The following TBCK variants were observed in gnomAD, a reference collection of about 807,000 sequenced individuals.
The protein encoded by TBCK is TBC1 domain containing kinase.
Under a neutral mutation model 113.4 loss-of-function variants are expected in TBCK, and 99 were observed. The observed-to-expected ratio is 0.87, with a 90% CI of 0.74 to 1.03. The LOEUF (loss-of-function observed/expected upper bound fraction) is 1.03. Ranked by LOEUF, TBCK falls within the 50% of genes least tolerant of loss-of-function variation. The pLI is 0.00. For synonymous variants in TBCK, 369 were observed against 370.8 expected, an observed-to-expected ratio of 1.00 and a Z score of 0.05; for missense variants, 1,045 against 1,061.3, an observed-to-expected ratio of 0.98 and a Z score of 0.21.
intron 5 of TBCK, among the ~76,000 whole-genome samples, chr4:106,255,363 G>A (rs1264223600): frequency 3.3e-5 from 5 of 152,192 alleles, no homozygotes; most frequent in African/African-American, 4.8e-5. Flanking sequence ...GATGCCACGC[G>A]GCCAAGGGAG....
intron 25 of TBCK, among the ~76,000 whole-genome samples, chr4:106,074,050 C>T (rs1737860820): frequency 6.6e-6 from 1 of 152,128 alleles, no homozygotes; most frequent in African/African-American, 2.4e-5. Context: ...AAGGGAAATC[C>T]CCCAACCCCC....
At chr4:106,048,901 A>C (rs1734499246) in intron 25 of TBCK, among the ~76,000 whole-genome samples, 4 of 152,156 alleles carry the variant, frequency 2.6e-5, no homozygotes, top group Admixed American at 6.6e-5. Context: ...CTTTGCAACA[A>C]TCAGGTTGCT....
intron 23 of TBCK, 101 bp from the exon 24 acceptor site, chr4:106,116,479 A>T (rs902160562): frequency 4.2e-6 from 4 of 943,348 alleles, no homozygotes; most frequent in Non-Finnish European, 6.2e-6. Flanking sequence ...ACAGCATATA[A>T]GAGAAGAGGA....
chr4:106,084,619 A>G (rs1431664933), intron 25 of TBCK, among the ~76,000 whole-genome samples: 4 of 152,132 alleles, frequency 2.6e-5, no homozygotes, highest in African/African-American at 9.7e-5. Context: ...GAGAAGATCA[A>G]CCCCAAGACA....
At chr4:106,196,283 A>G (rs1187681435) in intron 20 of TBCK, among the ~76,000 whole-genome samples, 2 of 151,916 alleles carry the variant, frequency 1.3e-5, no homozygotes, top group African/African-American at 4.8e-5. Flanking sequence ...TCCTTAATTT[A>G]TAAAAGTAGA....
chr4:106,085,324 G>A (rs991312323), intron 25 of TBCK, among the ~76,000 whole-genome samples: 4 of 151,802 alleles, frequency 2.6e-5, no homozygotes, highest in South Asian at 4.2e-4. Context: ...AATCTTAGTC[G>A]CTGACAAAAC....
chr4:106,103,694 T>C (rs1741813212), intron 24 of TBCK, among the ~76,000 whole-genome samples: 1 of 152,200 alleles, frequency 6.6e-6, no homozygotes, highest in African/African-American at 2.4e-5. Flanking sequence ...TTTACTTCAA[T>C]CTATTCAAGA....
chr4:106,134,487 A>C (rs1379924711), intron 23 of TBCK, among the ~76,000 whole-genome samples: 2 of 152,156 alleles, frequency 1.3e-5, no homozygotes, highest in African/African-American at 4.8e-5. Context: ...TGACTCTACT[A>C]CTTCTGACTG....
chr4:106,296,463 T>C (rs577162634), intron 2 of TBCK, among the ~76,000 whole-genome samples: 2 of 151,804 alleles, frequency 1.3e-5, no homozygotes, highest in South Asian at 2.1e-4. Flanking sequence ...CAGAAGAAGA[T>C]AGGAAAGAGG....
At chr4:106,258,463 T>C (rs1461346113) in intron 5 of TBCK, among the ~76,000 whole-genome samples, 1 of 152,058 alleles carries the variant, frequency 6.6e-6, no homozygotes, top group African/African-American at 2.4e-5. Flanking sequence ...TGGCTAATGT[T>C]TCACATTTTG....
rs187012426 is a variant in TBCK, at chr4:106,221,173, C to A, written c.1775-8338G>T. Among the ~76,000 whole-genome samples, 444 of 152,208 alleles carry A rather than the reference C, an allele frequency of 2.9e-3. 1 individual carries two copies. The highest frequency in any genetic ancestry group is 5.0e-3 in the Non-Finnish European group (340 of 68,006). ...CTAATTTTTGTATTTTTAGTAGAGA[C>A]GGGGTTTCACCCTGTTTGCCAGGCT... On this transcript the variant is annotated intron_variant, in intron 19 of 25. Coordinates refer to ENST00000394708, the MANE Select transcript of TBCK (RefSeq NM_001163435.3).
At chr4:106,172,830 A>C (rs1339328071) in intron 22 of TBCK, among the ~76,000 whole-genome samples, 1 of 152,112 alleles carries the variant, frequency 6.6e-6, no homozygotes, top group African/African-American at 2.4e-5. Flanking sequence ...CAATGATTTT[A>C]TTAAAGACAG....
chr4:106,298,258 T>G lies in TBCK; in HGVS notation c.194-3092A>C, dbSNP rs539519206. Among the ~76,000 whole-genome samples, 15 of 152,260 alleles carry G rather than the reference T, an allele frequency of 9.9e-5. No homozygotes were observed. In the East Asian group the frequency reaches 1.9e-3, roughly 20 times the overall value. ...TCTAGAAATAAAAAATTCCTAAGTT[T>G]TAAATTGCATGCCATTCTGAGTAGC... On this transcript the variant is annotated intron_variant, in intron 2 of 25. Transcript: ENST00000394708.
intron 25 of TBCK, among the ~76,000 whole-genome samples, chr4:106,089,901 A>G (rs1451625664): frequency 6.6e-6 from 1 of 152,206 alleles, no homozygotes; most frequent in Non-Finnish European, 1.5e-5. Flanking sequence ...GTTGGAGTTG[A>G]GTACCTATGG....
intron 24 of TBCK, among the ~76,000 whole-genome samples, chr4:106,097,814 G>A (rs564920677): frequency 1.3e-5 from 2 of 151,940 alleles, no homozygotes; most frequent in East Asian, 3.9e-4. Context: ...AAAATATGAG[G>A]TATTTGGAAA....
intron 25 of TBCK, among the ~76,000 whole-genome samples, chr4:106,070,504 G>C (rs945455744): frequency 6.6e-6 from 1 of 152,092 alleles, no homozygotes; most frequent in Non-Finnish European, 1.5e-5. Flanking sequence ...CTTGATCTTG[G>C]TGGATAAGCT....
chr4:106,252,220 C>A (rs569748505), intron 5 of TBCK, among the ~76,000 whole-genome samples: 2 of 152,004 alleles, frequency 1.3e-5, no homozygotes, highest in Non-Finnish European at 2.9e-5. Context: ...AGTTTTAAAA[C>A]CTTCATGTCT....
At chr4:106,068,587 T>G (rs1323276769) in intron 25 of TBCK, among the ~76,000 whole-genome samples, 1 of 152,220 alleles carries the variant, frequency 6.6e-6, no homozygotes, top group Non-Finnish European at 1.5e-5. Flanking sequence ...TTTGCTATTG[T>G]GAATAGTGCC....
chr4:106,132,553 T>G (rs1300245306), intron 23 of TBCK, among the ~76,000 whole-genome samples: 1 of 152,158 alleles, frequency 6.6e-6, no homozygotes, highest in Non-Finnish European at 1.5e-5. Flanking sequence ...ATGGAGGACC[T>G]CTGTAGGGCA....
Sources: allele counts gnomAD v4.1 joint callset (sites outside exome capture counted in the v4.1 genomes callset), GRCh38; gene constraint gnomAD v4.1.1; transcripts MANE v1.5; gene names NCBI Gene and HGNC (gene_info 2026-07-23, HGNC 2026-07-21).